The following SYN3 variants were observed in gnomAD, a reference collection of about 807,000 sequenced individuals.
SYN3 encodes synapsin III, also known as synapsin-3.
In SYN3, 35 loss-of-function variants were observed where a neutral mutation model predicts 65.8. The observed-to-expected ratio is 0.53, with a 90% CI of 0.41 to 0.70. The LOEUF is 0.70. Among genes scored for constraint, SYN3 ranks in the 30% least tolerant of loss-of-function variants. SYN3 has a pLI of 0.00. For missense variants in SYN3, 680 were observed against 749.0 expected (o/e 0.91, Z 1.08); for synonymous variants, 270 against 292.9 (o/e 0.92, Z 0.80).
At chr22:33,058,200 C>G (rs2054284363) in intron 1 of SYN3, 92 bp downstream of exon 1, 1 of 152,238 alleles carries the variant, frequency 6.6e-6, no homozygotes, top group Non-Finnish European at 1.5e-5. Flanking sequence ...CGCAGCCCGA[C>G]GCGAGAACGC....
chr22:32,703,360 C>T (rs1332952703), intron 6 of SYN3, among the ~76,000 whole-genome samples: 3 of 152,080 alleles, frequency 2.0e-5, no homozygotes, highest in East Asian at 3.9e-4. Context: ...TTTGCCTGGC[C>T]GGGCGCGGTG....
At chr22:32,655,215 G>A (rs1264204689) in intron 6 of SYN3, among the ~76,000 whole-genome samples, 1 of 152,222 alleles carries the variant, frequency 6.6e-6, no homozygotes. Context: ...CTGCTGCATG[G>A]TGACAGAGCA....
intron 6 of SYN3, among the ~76,000 whole-genome samples, chr22:32,617,871 G>A (rs540830560): frequency 1.8e-4 from 28 of 152,096 alleles, no homozygotes; most frequent in Non-Finnish European, 3.2e-4. Context: ...GAGTCTAGGT[G>A]GGCGACCTGC....
intron 6 of SYN3, among the ~76,000 whole-genome samples, chr22:32,613,203 T>A (rs952138825): frequency 6.6e-6 from 1 of 152,080 alleles, no homozygotes; most frequent in East Asian, 1.9e-4. Context: ...AATTAAAAAA[T>A]TTTAATTAAT....
chr22:32,569,571 C>CTCTCTCTCTATA (rs1205661126), intron 7 of SYN3, among the ~76,000 whole-genome samples: 2 of 90,928 alleles, frequency 2.2e-5, no homozygotes, highest in African/African-American at 7.4e-5. Context: ...CTCTCTCTCT[C>CTCTCTCTCTATA]TATATATATA....
At chr22:32,788,118 T>TC (rs1013655247) in intron 6 of SYN3, among the ~76,000 whole-genome samples, 9 of 152,154 alleles carry the variant, frequency 5.9e-5, no homozygotes, top group African/African-American at 2.2e-4. Context: ...TCGTTTTTTT[T>TC]CTCTTGAAAT....
rs130536 is a variant in SYN3 at position 32,780,068 on chromosome 22, C to CAAAAAAAAAAAAAAAAA, written c.711+84846_711+84847insTTTTTTTTTTTTTTTTT. Among the ~76,000 whole-genome samples the CAAAAAAAAAAAAAAAAA allele has an allele frequency of 1.7e-4, 12 of 72,564 alleles. 2 individuals carry two copies. The highest frequency in any genetic ancestry group is 8.8e-4 in the East Asian group (2 of 2,268). 47.6% of individuals were successfully genotyped at this position (72,564 alleles called of 152,430 possible). A position where few individuals can be genotyped will look rare whatever the true frequency, so the allele number is the denominator to read the frequency against. ...TGGGTGACAGAGTGAGATTCTGTCT[C>CAAAAAAAAAAAAAAAAA]AAAAAAAAAAAGAGAGAGAAAAAAA... On this transcript the variant is annotated intron_variant, in intron 6 of 13. Transcript: ENST00000358763.
intron 7 of SYN3, among the ~76,000 whole-genome samples, chr22:32,548,055 G>A (rs897690224): frequency 4.6e-5 from 7 of 152,114 alleles, no homozygotes; most frequent in African/African-American, 1.2e-4. Flanking sequence ...CTGCTTCCAG[G>A]CCCTTCACCA....
chr22:32,570,048 T>A (rs147599568), intron 7 of SYN3, among the ~76,000 whole-genome samples: 1 of 152,240 alleles, frequency 6.6e-6, no homozygotes, highest in Admixed American at 6.5e-5. Flanking sequence ...AAAGTGTTTT[T>A]AGTACGGGCC....
intron 6 of SYN3, among the ~76,000 whole-genome samples, chr22:32,713,475 T>G (rs1201662888): frequency 1.3e-5 from 2 of 152,216 alleles, no homozygotes. Flanking sequence ...CTTTGGGTCA[T>G]TTTAACTATC....
At chr22:32,998,605 C>G (rs898164743) in intron 2 of SYN3, among the ~76,000 whole-genome samples, 1 of 151,984 alleles carries the variant, frequency 6.6e-6, no homozygotes, top group African/African-American at 2.4e-5. Context: ...CTATTCGCTG[C>G]TCCCCCAACA....
intron 7 of SYN3, among the ~76,000 whole-genome samples, chr22:32,581,960 C>T (rs921583719): frequency 3.3e-5 from 5 of 151,728 alleles, no homozygotes; most frequent in South Asian, 2.1e-4. Flanking sequence ...CCACCAAACC[C>T]GGATAATTTT....
intron 7 of SYN3, among the ~76,000 whole-genome samples, chr22:32,552,203 G>A (rs2058427156): frequency 6.6e-6 from 1 of 152,152 alleles, no homozygotes; most frequent in Non-Finnish European, 1.5e-5. Context: ...GCAAGATCGC[G>A]CCACTGCACT....
At chr22:32,822,824 T>A (rs989706322) in intron 6 of SYN3, among the ~76,000 whole-genome samples, 3 of 151,794 alleles carry the variant, frequency 2.0e-5, no homozygotes, top group Admixed American at 6.6e-5. Context: ...AATGAAAGAG[T>A]CATAAAAGAT....
chr22:32,815,772 T>G (rs1601430924), intron 6 of SYN3, among the ~76,000 whole-genome samples: 1 of 152,312 alleles, frequency 6.6e-6, no homozygotes, highest in East Asian at 1.9e-4. Context: ...AGTATGTACC[T>G]ACATAGTGAA....
At chr22:32,982,770 T>C (rs1385507107) in intron 2 of SYN3, among the ~76,000 whole-genome samples, 2 of 152,176 alleles carry the variant, frequency 1.3e-5, no homozygotes, top group Non-Finnish European at 2.9e-5. Flanking sequence ...AATGGACTGA[T>C]GAAAAAACAC....
intron 4 of SYN3, among the ~76,000 whole-genome samples, chr22:32,929,032 C>T (rs2050556379): frequency 6.6e-6 from 1 of 152,026 alleles, no homozygotes; most frequent in Admixed American, 6.5e-5. Flanking sequence ...CCTGTAATTC[C>T]AACACTTTGG....
chr22:32,960,910 A>C (rs926187841), intron 3 of SYN3, among the ~76,000 whole-genome samples: 7 of 152,154 alleles, frequency 4.6e-5, no homozygotes, highest in Non-Finnish European at 1.0e-4. Flanking sequence ...CCCTATCCTG[A>C]GGCTGCTAAC....
At chr22:32,691,186 G>T (rs1330182458) in intron 6 of SYN3, among the ~76,000 whole-genome samples, 1 of 152,112 alleles carries the variant, frequency 6.6e-6, no homozygotes, top group African/African-American at 2.4e-5. Flanking sequence ...GGGCGCCCCG[G>T]TTCCTTCACC....
Sources: gnomAD v4.1 joint callset for allele counts (sites outside exome capture counted in the v4.1 genomes callset) on GRCh38, gnomAD v4.1.1 for gene constraint, MANE v1.5 for transcripts, NCBI Gene and HGNC (gene_info 2026-07-23, HGNC 2026-07-21) for gene names.